The following EPHA7 variants were observed in gnomAD, a reference collection of about 807,000 sequenced individuals.
The protein encoded by EPHA7 is ephrin type-A receptor 7.
A neutral mutation model predicts 112.6 loss-of-function variants in EPHA7; 25 were observed. The observed-to-expected ratio is 0.22, with a 90% CI of 0.16 to 0.31. The LOEUF (loss-of-function observed/expected upper bound fraction) is 0.31, where lower values mean the gene tolerates loss of function less well. Ranked by LOEUF, EPHA7 falls within the 10% of genes least tolerant of loss-of-function variation. EPHA7 has a pLI of 1.00. For synonymous variants in EPHA7, 437 were observed against 406.5 expected, an observed-to-expected ratio of 1.07 and a Z score of -0.90; for missense variants, 962 against 1,212.6, an observed-to-expected ratio of 0.79 and a Z score of 3.07.
chr6:93,405,816 T>C (rs1430673125), intron 3 of EPHA7, among the ~76,000 whole-genome samples: 9 of 28,146 alleles, frequency 3.2e-4, no homozygotes, highest in Admixed American at 1.5e-3. Flanking sequence ...TGTGTGTGTA[T>C]ATATATATAT....
At chr6:93,326,247 C>T (rs1774313382) in intron 5 of EPHA7, among the ~76,000 whole-genome samples, 1 of 151,296 alleles carries the variant, frequency 6.6e-6, no homozygotes, top group Non-Finnish European at 1.5e-5. Flanking sequence ...ATATCCAGCC[C>T]TCAGCAAATT....
chr6:93,365,721 A>G (rs965041284), intron 3 of EPHA7, among the ~76,000 whole-genome samples: 2 of 152,216 alleles, frequency 1.3e-5, no homozygotes, highest in Non-Finnish European at 2.9e-5. Context: ...CAACATCCCT[A>G]TCACCCTGGA....
intron 5 of EPHA7, among the ~76,000 whole-genome samples, chr6:93,309,772 A>G (rs1773438518): frequency 6.6e-6 from 1 of 152,216 alleles, no homozygotes; most frequent in Non-Finnish European, 1.5e-5. Context: ...CACAGAGACT[A>G]GCAAGTAAAA....
intron 5 of EPHA7, among the ~76,000 whole-genome samples, chr6:93,356,419 G>C (rs1451954088): frequency 1.3e-5 from 2 of 152,020 alleles, no homozygotes; most frequent in African/African-American, 4.8e-5. Flanking sequence ...TGCCCAGGCT[G>C]GTCTTGAACT....
intron 5 of EPHA7, among the ~76,000 whole-genome samples, chr6:93,316,806 T>A (rs1773836707): frequency 6.6e-6 from 1 of 152,212 alleles, no homozygotes; most frequent in Non-Finnish European, 1.5e-5. Context: ...ATAGTATGCA[T>A]TATTAGATTC....
intron 5 of EPHA7, among the ~76,000 whole-genome samples, chr6:93,298,467 C>T (rs1304688236): frequency 6.6e-6 from 1 of 151,648 alleles, no homozygotes. Context: ...AATTAAATGG[C>T]AACAAATCAT....
intron 3 of EPHA7, among the ~76,000 whole-genome samples, chr6:93,373,769 T>C (rs1042300292): frequency 6.6e-6 from 1 of 151,992 alleles, no homozygotes; most frequent in Non-Finnish European, 1.5e-5. Flanking sequence ...TCTGGTGTAT[T>C]CTCTTTCGAA....
At chr6:93,386,870 G>A (rs1359250005) in intron 3 of EPHA7, among the ~76,000 whole-genome samples, 4 of 152,210 alleles carry the variant, frequency 2.6e-5, no homozygotes, top group South Asian at 4.1e-4. Flanking sequence ...AGCCACAGAT[G>A]GAAGGGCTGG....
intron 3 of EPHA7, among the ~76,000 whole-genome samples, chr6:93,396,704 C>T (rs3823228): frequency 0.12 from 18,380 of 151,766 alleles, 1,173 homozygotes; most frequent in East Asian, 0.21. Context: ...CTCTAAAGTA[C>T]TACAATATAT....
chr6:93,253,126 G>A (rs973159090), intron 14 of EPHA7, among the ~76,000 whole-genome samples: 10 of 151,940 alleles, frequency 6.6e-5, no homozygotes, highest in African/African-American at 2.4e-4. Context: ...ACTCCATGGA[G>A]TGTCTAGGGA....
chr6:93,328,436 T>A (rs1020949170), intron 5 of EPHA7, among the ~76,000 whole-genome samples: 1 of 151,494 alleles, frequency 6.6e-6, no homozygotes, highest in Non-Finnish European at 1.5e-5. Context: ...TATCTTTGAA[T>A]GATACAACAA....
At chr6:93,256,155 T>A (rs1297304153) in intron 12 of EPHA7, 118 bp from the exon 13 acceptor site, 7 of 809,678 alleles carry the variant, frequency 8.6e-6, no homozygotes, top group Admixed American at 8.2e-5. Flanking sequence ...ATTGTTAATT[T>A]TTTATATAAT....
intron 3 of EPHA7, among the ~76,000 whole-genome samples, chr6:93,407,973 C>T (rs2127992797): frequency 6.6e-6 from 1 of 152,026 alleles, no homozygotes; most frequent in South Asian, 2.1e-4. Context: ...AAAACTCAAA[C>T]AGCTCCTGTT....
intron 3 of EPHA7, among the ~76,000 whole-genome samples, chr6:93,400,111 G>T (rs1582670314): frequency 6.6e-6 from 1 of 151,986 alleles, no homozygotes; most frequent in South Asian, 2.1e-4. Context: ...ATAGGAAAAT[G>T]TCAACTAAAA....
At chr6:93,278,607 T>A (rs1771579650) in intron 5 of EPHA7, among the ~76,000 whole-genome samples, 1 of 152,046 alleles carries the variant, frequency 6.6e-6, no homozygotes, top group Non-Finnish European at 1.5e-5. Flanking sequence ...CAAGGCATTG[T>A]GGATTTTTAT....
rs775186624 is a variant in EPHA7, at chr6:93,272,437, T to G, written c.1325-15A>C. Reference sequence around the variant, plus strand: ...TTGCGAGGGAGCTGTTTGGACAAGATGTGTCAATAAACAATGAGAAAATTC... The same window carrying G: ...TTGCGAGGGAGCTGTTTGGACAAGAGGTGTCAATAAACAATGAGAAAATTC... On this transcript the variant is annotated splice_polypyrimidine_tract_variant and intron_variant, in intron 5 of 16. Transcript: ENST00000369303. The G allele has an allele frequency of 6.2e-7, 1 of 1,611,026 alleles. No individual in the cohort carries two copies. Among genetic ancestry groups the G allele is most frequent in the East Asian group, 2.2e-5 (1 of 44,800 alleles).
intron 5 of EPHA7, among the ~76,000 whole-genome samples, chr6:93,296,558 T>C (rs2127843838): frequency 6.6e-6 from 1 of 150,710 alleles, no homozygotes; most frequent in South Asian, 2.1e-4. Context: ...TAGATGAACC[T>C]AGAGGATATT....
Position 93,419,525 on chromosome 6 carries a change from C to T in EPHA7, c.-184G>A, listed in dbSNP as rs528811483. 2 of 506,502 alleles carry T rather than the reference C, an allele frequency of 3.9e-6. No individual in the cohort carries two copies. The highest frequency in any genetic ancestry group is 6.9e-6 in the Non-Finnish European group (2 of 289,188). The allele number at this position is 506,502 out of a possible 1,614,324, so 31.4% of individuals were successfully genotyped here. ...CCCCCCCACTCCTGTTCGCTCGCAC[C>T]GTGTTTGCTGCCTGCAAGTCTCCGA... On this transcript the variant is annotated 5_prime_UTR_variant, in exon 1 of 17. Transcript: ENST00000369303.
intron 3 of EPHA7, among the ~76,000 whole-genome samples, chr6:93,407,555 A>G (rs759670472): frequency 6.6e-6 from 1 of 152,066 alleles, no homozygotes; most frequent in East Asian, 1.9e-4. Context: ...AAGTTATGTC[A>G]TAAGCAATTT....
Sources: allele counts gnomAD v4.1 joint callset (sites outside exome capture counted in the v4.1 genomes callset), GRCh38; gene constraint gnomAD v4.1.1; transcripts MANE v1.5; gene names NCBI Gene and HGNC (gene_info 2026-07-23, HGNC 2026-07-21).